The following PHF21B variants were observed in gnomAD, a reference collection of about 807,000 sequenced individuals.
PHF21B encodes PHD finger protein 21B.
In PHF21B, 22 loss-of-function variants were observed where a neutral mutation model predicts 62.2. The observed-to-expected ratio is 0.35, with a 90% CI of 0.25 to 0.51. The LOEUF (loss-of-function observed/expected upper bound fraction) is 0.51, where lower values mean the gene tolerates loss of function less well. Among genes scored for constraint, PHF21B ranks in the 20% least tolerant of loss-of-function variants. The probability of loss-of-function intolerance (pLI) is 0.97; values close to 1 mark genes in which losing one functional copy is unlikely to be tolerated. For synonymous variants in PHF21B, 341 were observed against 314.7 expected (o/e 1.08, Z -0.88); for missense variants, 701 against 707.9 (o/e 0.99, Z 0.11).
At chr22:44,948,463 T>C (rs2072123211) in intron 2 of PHF21B, among the ~76,000 whole-genome samples, 2 of 152,008 alleles carry the variant, frequency 1.3e-5, no homozygotes, top group Admixed American at 1.3e-4. Context: ...GGGCAGATCA[T>C]CTGATGTCGG....
Position 44,881,744 on chromosome 22 carries a change from T to C in PHF21B, c.*1342A>G, listed in dbSNP as rs2070744703. 1 of 152,674 alleles carries C rather than the reference T, an allele frequency of 6.5e-6. No individual in the cohort carries two copies. Among genetic ancestry groups the C allele is most frequent in the Non-Finnish European group, 1.5e-5 (1 of 68,058 alleles). The allele number at this position is 152,674 out of a possible 1,614,324, so 9.5% of individuals were successfully genotyped here. On this transcript the variant is annotated 3_prime_UTR_variant, in exon 13 of 13. Transcript: ENST00000313237. ...TGCAATTCGGCACCATGTGATATGC[T>C]CGGGGTGGGAGCCCGTGGCTCCTGG...
chr22:44,961,610 G>A (rs1368843369), intron 2 of PHF21B, among the ~76,000 whole-genome samples: 3 of 152,146 alleles, frequency 2.0e-5, no homozygotes, highest in South Asian at 2.1e-4. Flanking sequence ...GGAGGCCTAC[G>A]TGGGCAGAGC....
At chr22:44,924,512 CAGTT>C (rs1322369937) in intron 2 of PHF21B, among the ~76,000 whole-genome samples, 1 of 152,160 alleles carries the variant, frequency 6.6e-6, no homozygotes, top group Non-Finnish European at 1.5e-5. Context: ...GTGGAGCCCT[CAGTT>C]AGTGCTCTTA....
chr22:44,986,719 C>T (rs927399825), intron 2 of PHF21B, among the ~76,000 whole-genome samples: 1 of 152,142 alleles, frequency 6.6e-6, no homozygotes, highest in Admixed American at 6.5e-5. Flanking sequence ...CTCAAGTTAC[C>T]GGCTTCTACA....
intron 2 of PHF21B, among the ~76,000 whole-genome samples, chr22:44,977,918 T>C (rs2072768583): frequency 2.0e-5 from 3 of 152,148 alleles, no homozygotes; most frequent in Admixed American, 2.0e-4. Flanking sequence ...AATGAAATCA[T>C]ATGAAGTTTT....
chr22:44,979,442 C>G (rs1045283842), intron 2 of PHF21B, among the ~76,000 whole-genome samples: 1 of 152,240 alleles, frequency 6.6e-6, no homozygotes, highest in African/African-American at 2.4e-5. Context: ...GACTGCCAGC[C>G]CCCTCCCAGC....
intron 5 of PHF21B, among the ~76,000 whole-genome samples, chr22:44,908,004 C>T (rs761182004): frequency 6.6e-6 from 1 of 152,160 alleles, no homozygotes; most frequent in Non-Finnish European, 1.5e-5. Flanking sequence ...GCCCCTTTCA[C>T]GCCCATAATG....
At chr22:44,996,036 T>C (rs1824125371) in intron 2 of PHF21B, among the ~76,000 whole-genome samples, 1 of 152,132 alleles carries the variant, frequency 6.6e-6, no homozygotes, top group African/African-American at 2.4e-5. Flanking sequence ...GTATTGCCCA[T>C]ATCCAAACAT....
chr22:44,885,104 T>G (rs1229472102), intron 12 of PHF21B, among the ~76,000 whole-genome samples: 1 of 152,248 alleles, frequency 6.6e-6, no homozygotes, highest in Non-Finnish European at 1.5e-5. Flanking sequence ...CATACTGGCT[T>G]GCTGGGGGAT....
At chr22:44,923,482 C>T (rs2147320311) in intron 2 of PHF21B, among the ~76,000 whole-genome samples, 1 of 152,144 alleles carries the variant, frequency 6.6e-6, no homozygotes, top group South Asian at 2.1e-4. Context: ...ACACCAAAAA[C>T]ATAATCGATA....
At position 44,891,294 on chromosome 22, in the gene PHF21B, G is replaced by A. The variant is rs1431704556; in HGVS notation, c.1015+12C>T. The A allele has an allele frequency of 2.5e-6, 4 of 1,613,674 alleles. No homozygotes were observed. Among genetic ancestry groups the A allele is most frequent in the Non-Finnish European group, 8.5e-7 (1 of 1,179,952 alleles). On this transcript the variant is annotated intron_variant, in intron 8 of 12. Transcript: ENST00000313237. ...GAGCAGCTCTGGCAGAAGGCCTGAA[G>A]CCGGTGCTTACCTCTCGCTGTGAGG...
At chr22:44,905,161 C>T (rs2071226364) in intron 5 of PHF21B, among the ~76,000 whole-genome samples, 1 of 152,218 alleles carries the variant, frequency 6.6e-6, no homozygotes, top group Admixed American at 6.5e-5. Flanking sequence ...ACACCGACTC[C>T]CTCCTGCTGA....
chr22:44,957,963 C>T (rs945277819), intron 2 of PHF21B, among the ~76,000 whole-genome samples: 10 of 150,690 alleles, frequency 6.6e-5, no homozygotes, highest in Admixed American at 5.3e-4. Flanking sequence ...AGTGCAATGG[C>T]GCGATCTCGG....
chr22:45,004,896 A>T (rs963464979), intron 2 of PHF21B, among the ~76,000 whole-genome samples: 2 of 152,236 alleles, frequency 1.3e-5, no homozygotes, highest in Non-Finnish European at 2.9e-5. Context: ...GGGGTAGTGC[A>T]CAAGGTCCCA....
chr22:44,986,795 G>A (rs1194661858), intron 2 of PHF21B, among the ~76,000 whole-genome samples: 1 of 151,958 alleles, frequency 6.6e-6, no homozygotes, highest in Non-Finnish European at 1.5e-5. Context: ...GAGAGGGCAG[G>A]TGAAGGTCCT....
intron 2 of PHF21B, among the ~76,000 whole-genome samples, chr22:44,996,772 G>C (rs1192198177): frequency 6.6e-6 from 1 of 151,374 alleles, no homozygotes; most frequent in Non-Finnish European, 1.5e-5. Flanking sequence ...ATCCACACAC[G>C]TGCATGCACA....
intron 2 of PHF21B, among the ~76,000 whole-genome samples, chr22:45,001,518 G>C (rs1008137152): frequency 6.6e-6 from 1 of 152,122 alleles, no homozygotes; most frequent in Non-Finnish European, 1.5e-5. Flanking sequence ...ACTGGGCCTC[G>C]ACAGGTGACT....
intron 2 of PHF21B, among the ~76,000 whole-genome samples, chr22:44,977,410 CA>C (rs1456114877): frequency 6.6e-6 from 1 of 151,926 alleles, no homozygotes; most frequent in Non-Finnish European, 1.5e-5. Flanking sequence ...ACTAAAAATA[CA>C]AAAATTAGCC....
chr22:44,900,939 T>C (rs1025366632), intron 5 of PHF21B, among the ~76,000 whole-genome samples: 1 of 152,244 alleles, frequency 6.6e-6, no homozygotes, highest in Non-Finnish European at 1.5e-5. Flanking sequence ...AAGATGCAGA[T>C]TATAAAGTCT....
Sources: gnomAD v4.1 joint callset for allele counts (sites outside exome capture counted in the v4.1 genomes callset) on GRCh38, gnomAD v4.1.1 for gene constraint, MANE v1.5 for transcripts, NCBI Gene and HGNC (gene_info 2026-07-23, HGNC 2026-07-21) for gene names.